SGCZ: variants seen among roughly 807,000 people sequenced by gnomAD.
SGCZ encodes sarcoglycan zeta, also known as zeta-sarcoglycan.
A neutral mutation model predicts 41.3 loss-of-function variants in SGCZ; 40 were observed. That is an observed-to-expected ratio of 0.97 (90% CI 0.75 to 1.26). The LOEUF (loss-of-function observed/expected upper bound fraction) is 1.26, where lower values mean the gene tolerates loss of function less well. Ranked by LOEUF, SGCZ falls within the 50% of genes most tolerant of loss-of-function variation. The probability of loss-of-function intolerance (pLI) is 0.00; values close to 1 mark genes in which losing one functional copy is unlikely to be tolerated. For missense variants in SGCZ, 552 were observed against 369.8 expected (o/e 1.49, Z -4.04); for synonymous variants, 206 against 137.5 (o/e 1.50, Z -3.49).
At chr8:14,669,040 G>C (rs1396039587) in intron 1 of SGCZ, among the ~76,000 whole-genome samples, 1 of 151,752 alleles carries the variant, frequency 6.6e-6, no homozygotes, top group Non-Finnish European at 1.5e-5. Flanking sequence ...TTGTGCACTA[G>C]AGGTCCACAA....
chr8:14,614,265 A>T (rs1806022506), intron 1 of SGCZ, among the ~76,000 whole-genome samples: 1 of 152,206 alleles, frequency 6.6e-6, no homozygotes, highest in Non-Finnish European at 1.5e-5. Context: ...ATTTTTAAAC[A>T]GCACAGCAAA....
chr8:14,189,142 A>G (rs1456843156), intron 4 of SGCZ, among the ~76,000 whole-genome samples: 1 of 151,894 alleles, frequency 6.6e-6, no homozygotes, highest in Non-Finnish European at 1.5e-5. Flanking sequence ...TACAGGCGTG[A>G]GCCACTGCAC....
intron 1 of SGCZ, among the ~76,000 whole-genome samples, chr8:14,701,362 G>A (rs1006723789): frequency 3.3e-5 from 5 of 151,860 alleles, no homozygotes; most frequent in Admixed American, 6.6e-5. Context: ...TCCCCTGAGT[G>A]GTGAGAATAT....
At chr8:14,401,781 A>C (rs1051888432) in intron 2 of SGCZ, among the ~76,000 whole-genome samples, 9 of 151,084 alleles carry the variant, frequency 6.0e-5, no homozygotes, top group Non-Finnish European at 1.2e-4. Flanking sequence ...AGCATGATTT[A>C]TAGTCCTTTG....
intron 1 of SGCZ, among the ~76,000 whole-genome samples, chr8:14,878,211 T>C (rs566571533): frequency 2.6e-4 from 39 of 151,454 alleles, no homozygotes; most frequent in Non-Finnish European, 4.9e-4. Flanking sequence ...TTTTTTTTTT[T>C]CCATTTTGGC....
At chr8:14,326,111 C>CAAAAAAAAAAAAAAAAA (rs56152915) in intron 2 of SGCZ, among the ~76,000 whole-genome samples, 530 of 37,892 alleles carry the variant, frequency 0.014, 223 homozygotes, top group Admixed American at 0.022. Flanking sequence ...GACTCCGTCT[C>CAAAAAAAAAAAAAAAAA]AAAAAAAAAA....
intron 1 of SGCZ, among the ~76,000 whole-genome samples, chr8:15,000,911 G>A (rs573475489): frequency 6.6e-6 from 1 of 152,244 alleles, no homozygotes; most frequent in South Asian, 2.1e-4. Flanking sequence ...CCACCCACAT[G>A]TGTCTGTGTC....
At chr8:15,221,057 A>C (rs1801583699) in intron 1 of SGCZ, among the ~76,000 whole-genome samples, 2 of 152,094 alleles carry the variant, frequency 1.3e-5, no homozygotes. Context: ...AGAAATACCT[A>C]ATGTAAAGGA....
intron 1 of SGCZ, among the ~76,000 whole-genome samples, chr8:14,806,564 G>T (rs1303943957): frequency 6.6e-6 from 1 of 152,138 alleles, no homozygotes; most frequent in Non-Finnish European, 1.5e-5. Context: ...ACCAATAACA[G>T]AATCTGAAAA....
chr8:14,523,874 T>C (rs1802862164), intron 2 of SGCZ, among the ~76,000 whole-genome samples: 2 of 152,134 alleles, frequency 1.3e-5, no homozygotes, highest in South Asian at 2.1e-4. Context: ...TGTTATTTTT[T>C]CCCTACTCTG....
intron 1 of SGCZ, among the ~76,000 whole-genome samples, chr8:15,149,787 C>T (rs1254991885): frequency 1.4e-5 from 2 of 147,052 alleles, no homozygotes; most frequent in African/African-American, 5.0e-5. Context: ...TGCATATTCA[C>T]TGACCCAGCA....
chr8:15,142,007 A>G (rs1277671269), intron 1 of SGCZ, among the ~76,000 whole-genome samples: 6 of 152,214 alleles, frequency 3.9e-5, no homozygotes, highest in Admixed American at 2.0e-4. Context: ...GGCTGCATCA[A>G]GAAAGCTCAA....
intron 1 of SGCZ, among the ~76,000 whole-genome samples, chr8:15,172,899 A>G (rs2071980813): frequency 6.6e-6 from 1 of 152,244 alleles, no homozygotes; most frequent in Non-Finnish European, 1.5e-5. Context: ...TACAAAGAGG[A>G]AAATAAAAAC....
intron 3 of SGCZ, among the ~76,000 whole-genome samples, chr8:14,306,363 G>A (rs999918846): frequency 6.6e-6 from 1 of 152,122 alleles, no homozygotes; most frequent in Non-Finnish European, 1.5e-5. Flanking sequence ...AATAACATAA[G>A]AGATTAGGTG....
chr8:15,101,848 C>G (rs1011197444), intron 1 of SGCZ, among the ~76,000 whole-genome samples: 1 of 152,118 alleles, frequency 6.6e-6, no homozygotes, highest in African/African-American at 2.4e-5. Flanking sequence ...TTGCTTGAAC[C>G]GGGGAGGCGG....
intron 4 of SGCZ, among the ~76,000 whole-genome samples, chr8:14,180,990 G>A (rs1004071987): frequency 6.6e-6 from 1 of 152,088 alleles, no homozygotes; most frequent in Non-Finnish European, 1.5e-5. Context: ...ACCAATACCT[G>A]TAGAGCAGTC....
chr8:14,911,937 G>A (rs1260224467), intron 1 of SGCZ, among the ~76,000 whole-genome samples: 5 of 151,854 alleles, frequency 3.3e-5, no homozygotes, highest in African/African-American at 1.2e-4. Context: ...TTTTGCACAG[G>A]TCAACAGGTT....
At chr8:14,484,826 G>A (rs1175601278) in intron 2 of SGCZ, among the ~76,000 whole-genome samples, 1 of 151,980 alleles carries the variant, frequency 6.6e-6, no homozygotes, top group Non-Finnish European at 1.5e-5. Flanking sequence ...AGATCATTTA[G>A]CTCTAAGTTA....
intron 1 of SGCZ, among the ~76,000 whole-genome samples, chr8:15,222,395 A>C (rs1801632619): frequency 6.6e-6 from 1 of 152,110 alleles, no homozygotes; most frequent in African/African-American, 2.4e-5. Context: ...ACAAGGCTTA[A>C]CTGGGAGGCA....
Sources: gnomAD v4.1 joint callset for allele counts (sites outside exome capture counted in the v4.1 genomes callset) on GRCh38, gnomAD v4.1.1 for gene constraint, MANE v1.5 for transcripts, NCBI Gene and HGNC (gene_info 2026-07-23, HGNC 2026-07-21) for gene names.